Variants in TBC1D10B observed in about 807,000 individuals in gnomAD.
TBC1D10B encodes TBC1 domain family member 10B.
TBC1D10B carries 25 observed loss-of-function variants against 78.4 expected under a neutral mutation model. The ratio of observed to expected loss-of-function variants is 0.32; its 90% CI spans 0.23 to 0.45. TBC1D10B has a LOEUF of 0.45. TBC1D10B is among the 20% of genes least tolerant of loss of function. The probability of loss-of-function intolerance (pLI) is 1.00; values close to 1 mark genes in which losing one functional copy is unlikely to be tolerated. For synonymous variants in TBC1D10B, 517 were observed against 478.0 expected (o/e 1.08, Z -1.06); for missense variants, 996 against 1,104.8 (o/e 0.90, Z 1.40).
Position 30,357,959 on chromosome 16 carries a change from C to G in TBC1D10B, c.2412G>C (p.Gln804His). Residue 804 changes from glutamine to histidine, a missense_variant, in exon 9 of 9, where the codon CAG becomes CAC. This residue lies in a region of TBC1D10B where 285 missense variants were observed against 252.5 expected (regional missense o/e 1.13). Coordinates refer to ENST00000409939, the MANE Select transcript of TBC1D10B (RefSeq NM_015527.4). ...GGDRPSAEAR[Q>H]DAYF The stretch of plus-strand genomic sequence containing the variant: ...AGGGCAGAGGTCAGAAGTAAGCGTC[C>G]TGCCGGGCCTCGGCTGAGGGCCTGT... 1 of 1,551,036 alleles carries G rather than the reference C, an allele frequency of 6.4e-7. No individual in the cohort carries two copies. The highest frequency in any genetic ancestry group is 1.2e-5 in the South Asian group (1 of 84,056).
chr16:30,358,023 C>T lies in TBC1D10B; in HGVS notation c.2348G>A (p.Arg783Gln), dbSNP rs867457674. 1.4e-5 allele frequency: 22 copies of T among 1,551,718 alleles called. No homozygotes were observed. The East Asian group carries it at 2.0e-4, about 14-fold the overall frequency. ...KAQGRKLSLR[R>Q]KADGPPGPHD... ...GGGGCCTGGGGGCCCATCTGCCTTT[C>T]GACGCAGCGAAAGCTTCCGGCCTTG... Residue 783 changes from arginine to glutamine, a missense_variant, in exon 9 of 9, where the codon CGA (arginine) becomes CAA (glutamine). Arg to Gln is a conservative substitution (Grantham distance 43, BLOSUM62 1). This residue lies in a region of TBC1D10B where 285 missense variants were observed against 252.5 expected (regional missense o/e 1.13). Transcript: ENST00000409939.
rs2049566610 is a variant in TBC1D10B at position 30,358,028 on chromosome 16, C to A, written c.2343G>T (p.Leu781=). 1 of 1,551,882 alleles carries A rather than the reference C, an allele frequency of 6.4e-7. No homozygotes were observed. Among genetic ancestry groups the A allele is most frequent in the Non-Finnish European group, 8.7e-7 (1 of 1,147,020 alleles). The change falls in exon 9 of 9, where the codon CTG becomes CTT. Residue 781 remains leucine, a synonymous_variant. Coordinates refer to ENST00000409939, the MANE Select transcript of TBC1D10B (RefSeq NM_015527.4). The part of the protein sequence containing the change: ...EKKAQGRKLS[L]RRKADGPPGP... ...CTGGGGGCCCATCTGCCTTTCGACG[C>A]AGCGAAAGCTTCCGGCCTTGAGCCT...
At position 30,369,289 on chromosome 16, in the gene TBC1D10B, G is replaced by A; in HGVS notation, c.895C>T (p.Leu299=). 6.3e-7 allele frequency: 1 copy of A among 1,588,908 alleles called. No homozygotes were observed. The highest frequency in any genetic ancestry group is 8.6e-7 in the Non-Finnish European group (1 of 1,168,226). Residue 299 remains leucine, a synonymous_variant, in exon 1 of 9, where the codon CTG becomes TTG. Coordinates refer to ENST00000409939, the MANE Select transcript of TBC1D10B (RefSeq NM_015527.4). The surrounding 1 kb of genome is among the most constrained non-coding windows in gnomAD (Gnocchi z 4.3). ...SMGSDSEING[L]ALRKTDKYGF... is the part of the protein sequence containing the mutation. ...TACTTGTCCGTCTTGCGCAGGGCCAGCCCGTTTATCTCTGAATCTGAGCCC... is the reference window on the plus strand; with the variant it reads ...TACTTGTCCGTCTTGCGCAGGGCCAACCCGTTTATCTCTGAATCTGAGCCC...
intron 4 of TBC1D10B, among the ~76,000 whole-genome samples, chr16:30,361,900 G>A (rs1374474849): frequency 1.3e-5 from 2 of 151,608 alleles, no homozygotes; most frequent in African/African-American, 4.9e-5. Context: ...AGGCTGGAGT[G>A]CAGTGGCGCG....
chr16:30,370,134 G>A lies in TBC1D10B; in HGVS notation c.50C>T (p.Ala17Val), dbSNP rs2049676575. 2.5e-6 allele frequency: 3 copies of A among 1,205,332 alleles called. No homozygotes were observed. The highest frequency in any genetic ancestry group is 4.1e-5 in the South Asian group (1 of 24,160). The allele number at this position is 1,205,332 out of a possible 1,614,324, so 74.7% of individuals were successfully genotyped here. Residue 17 changes from alanine (A) to valine (V), a missense_variant, in exon 1 of 9, where the codon GCC becomes GTC. Ala to Val is a moderately conservative substitution (Grantham distance 64, BLOSUM62 0). Around this residue, in one of 5 missense-constraint regions of TBC1D10B, gnomAD observed 448 missense variants for 442.1 expected, o/e 1.01. Transcript: ENST00000409939. ...PLVAPPRRHG[A>V]PAAPSPPPRG... ...GGGCGGCGGCGAGGGGGCCGCGGGGGCGCCATGACGGCGCGGCGGGGCCAC... is the reference window on the plus strand; with the variant it reads ...GGGCGGCGGCGAGGGGGCCGCGGGGACGCCATGACGGCGCGGCGGGGCCAC...
chr16:30,366,570 CATCT>C (rs2049638495), intron 1 of TBC1D10B: 1 of 151,976 alleles, frequency 6.6e-6, no homozygotes, highest in Non-Finnish European at 1.5e-5. Context: ...TAGACGCAAC[CATCT>C]GAGTTTTGTC....
Position 30,369,907 on chromosome 16 carries a change from T to A in TBC1D10B, c.277A>T (p.Thr93Ser), listed in dbSNP as rs765785061. ...AVTGSTVVVLTLEASPEAPKP... is the reference protein window; with the variant it reads ...AVTGSTVVVLSLEASPEAPKP... Reference sequence around the variant, plus strand: ...GGGGCTTCGGGCGAGGCCTCCAGGGTCAGCACCACCACCGTGCTGCCCGTG... The same window carrying A: ...GGGGCTTCGGGCGAGGCCTCCAGGGACAGCACCACCACCGTGCTGCCCGTG... Residue 93 changes from threonine (T) to serine (S), a missense_variant, in exon 1 of 9, where the codon ACC becomes TCC. Transcript: ENST00000409939. This position sits in a 1 kb window ranked among gnomAD's most constrained non-coding sequence, Gnocchi z 4.3. 9.4e-6 allele frequency: 13 copies of A among 1,377,468 alleles called. No individual in the cohort carries two copies. The highest frequency in any genetic ancestry group is 3.4e-5 in the South Asian group (2 of 58,354). The allele number at this position is 1,377,468 out of a possible 1,614,324, so 85.3% of individuals were successfully genotyped here.
In TBC1D10B at chr16:30,358,418, T is replaced by C. The variant is rs1182273296; in HGVS notation, c.1953A>G (p.Pro651=). Residue 651 remains proline, a synonymous_variant, in exon 9 of 9, where the codon CCA becomes CCG. Coordinates refer to ENST00000409939, the MANE Select transcript of TBC1D10B (RefSeq NM_015527.4). ...GGAGGCTGGAGGAGGGGCCCAGGGG[T>C]GGCTGTTGCCGCCGGCGCTCCTCGT... is the stretch of plus-strand genomic sequence containing the variant. ...AIHEERRRQQ[P]PLGPSSSLLS... The C allele has an allele frequency of 6.3e-7, 1 of 1,578,108 alleles. No homozygotes were observed. Among genetic ancestry groups the C allele is most frequent in the South Asian group, 1.2e-5 (1 of 86,522 alleles).
intron 4 of TBC1D10B, among the ~76,000 whole-genome samples, chr16:30,362,948 A>G (rs940571062): frequency 6.6e-6 from 1 of 152,114 alleles, no homozygotes; most frequent in African/African-American, 2.4e-5. Flanking sequence ...GAGGCAGGAG[A>G]ATTGCTTGAA....
In TBC1D10B at chr16:30,358,680, C is replaced by T. The variant is rs2049577086; in HGVS notation, c.1780G>A (p.Asp594Asn). 1.2e-6 allele frequency: 2 copies of T among 1,607,448 alleles called. No individual in the cohort carries two copies. Among genetic ancestry groups the T allele is most frequent in the African/African-American group, 1.3e-5 (1 of 74,804 alleles). The change falls in exon 8 of 9, where the codon GAC becomes AAC. Residue 594 changes from aspartate (D) to asparagine (N), a missense_variant. Physicochemically the swap from Asp to Asn is conservative, Grantham distance 23 (BLOSUM62 1). Transcript: ENST00000409939. The stretch of plus-strand genomic sequence containing the variant: ...AGGCCTACCTCATGCACCAGGAAGT[C>T]TTCCTGCATGCACTGCTGGGGCAGG... ...RNLPQQCMQE[D>N]FLVHEVTNLP...
chr16:30,363,913 C>T (rs2049615614), intron 4 of TBC1D10B, among the ~76,000 whole-genome samples: 1 of 152,054 alleles, frequency 6.6e-6, no homozygotes, highest in African/African-American at 2.4e-5. Context: ...GTCAGGAGTT[C>T]GAGACCAGCC....
intron 4 of TBC1D10B, among the ~76,000 whole-genome samples, chr16:30,363,778 G>A (rs1023369583): frequency 6.6e-6 from 1 of 152,146 alleles, no homozygotes; most frequent in Non-Finnish European, 1.5e-5. Flanking sequence ...CTGGTAGATA[G>A]CAGATGCTCA....
At position 30,357,666 on chromosome 16, in the gene TBC1D10B, T is replaced by C. The variant is rs545771039; in HGVS notation, c.*278A>G. ...CACCCCTGGGATGACAACGGGCCAT[T>C]CAGGACAGCACCTAGGAGGGGACCC... is the stretch of plus-strand genomic sequence containing the variant. On this transcript the variant is annotated 3_prime_UTR_variant, in exon 9 of 9. Transcript: ENST00000409939. The C allele has an allele frequency of 3.1e-5, 17 of 545,234 alleles. No individual in the cohort carries two copies. Among genetic ancestry groups the C allele is most frequent in the Non-Finnish European group, 5.2e-5 (16 of 305,492 alleles). 33.8% of individuals were successfully genotyped at this position (545,234 alleles called of 1,614,324 possible).
rs934936556 is a variant in TBC1D10B at position 30,370,088 on chromosome 16, G to T, written c.96C>A (p.Pro32=). Residue 32 remains proline (P), a synonymous_variant, in exon 1 of 9, where the codon CCC becomes CCA. Coordinates refer to ENST00000409939, the MANE Select transcript of TBC1D10B (RefSeq NM_015527.4). ...GAGGTCCCGGAGCCACCACCACGAC[G>T]GGCCCGGCCCGGGAACCCCGGGGCG... is the stretch of plus-strand genomic sequence containing the variant. ...SPPPRGSRAG[P]VVVVAPGPPV... 1 of 1,225,196 alleles carries T rather than the reference G, an allele frequency of 8.2e-7. No homozygotes were observed. Among genetic ancestry groups the T allele is most frequent in the Non-Finnish European group, 1.0e-6 (1 of 983,828 alleles). 75.9% of individuals were successfully genotyped at this position (1,225,196 alleles called of 1,614,324 possible).
chr16:30,365,119 G>A lies in TBC1D10B; in HGVS notation c.1150C>T (p.Pro384Ser), dbSNP rs752219547. ...GCTGCACGCACCTCAAACTTTCCTG[G>A]GTTCTGCTCCAGAAGTTCCTTGCTA... The part of the protein sequence containing the change: ...SNSKELLEQN[P>S]GKFEELERAP... The change falls in exon 3 of 9, where the codon CCA (proline) becomes TCA (serine). Residue 384 changes from proline (P) to serine (S), a missense_variant. This residue lies in a region of TBC1D10B where 93 missense variants were observed against 152.7 expected (regional missense o/e 0.61). Transcript: ENST00000409939. The surrounding 1 kb of genome is among the most constrained non-coding windows in gnomAD (Gnocchi z 5.0). 2 of 1,613,986 alleles carry A rather than the reference G, an allele frequency of 1.2e-6. No individual in the cohort carries two copies. Among genetic ancestry groups the A allele is most frequent in the East Asian group, 2.2e-5 (1 of 44,882 alleles).
At chr16:30,359,414 A>AG (rs1258160704) in intron 6 of TBC1D10B, 53 bp from the exon 7 acceptor site, 1 of 1,547,050 alleles carries the variant, frequency 6.5e-7, no homozygotes, top group Non-Finnish European at 8.7e-7. Context: ...TGCCCCCATC[A>AG]GGGGAGAACT....
Position 30,358,147 on chromosome 16 carries a change from G to C in TBC1D10B, c.2224C>G (p.Arg742Gly). The C allele has an allele frequency of 6.5e-7, 1 of 1,549,582 alleles. No individual in the cohort carries two copies. ...TCCTGCTTCTGCCGCTCCTTCTCCC[G>C]CTCCTTCTCCTGTTTCTGCCGCTCC... ...EKERQKQEKE[R>G]EKERQKQEKE... Residue 742 changes from arginine (R) to glycine (G), a missense_variant, in exon 9 of 9, where the codon CGG (arginine) becomes GGG (glycine). Around this residue, in one of 5 missense-constraint regions of TBC1D10B, gnomAD observed 285 missense variants for 252.5 expected, o/e 1.13. Transcript: ENST00000409939.
rs1371769223 is a variant in TBC1D10B at position 30,369,048 on chromosome 16, C to T, written c.956+180G>A. 6.6e-6 allele frequency among the ~76,000 whole-genome samples: 1 copy of T among 152,258 alleles called. No individual in the cohort carries two copies. The highest frequency in any genetic ancestry group is 2.4e-5 in the African/African-American group (1 of 41,468). ...GACCCCTGGTCTGAAACTCCACTAA[C>T]ATGCCAATGTCACAGGCACCTCAGG... On this transcript the variant is annotated intron_variant, in intron 1 of 8. Transcript: ENST00000409939. This position sits in a 1 kb window ranked among gnomAD's most constrained non-coding sequence, Gnocchi z 4.3.
rs2049629732 is a variant in TBC1D10B, at chr16:30,365,539, T to C, written c.1012A>G (p.Met338Val). The C allele has an allele frequency of 6.2e-7, 1 of 1,613,988 alleles. No individual in the cohort carries two copies. Among genetic ancestry groups the C allele is most frequent in the Non-Finnish European group, 8.5e-7 (1 of 1,179,876 alleles). Residue 338 changes from methionine to valine, a missense_variant, in exon 2 of 9, where the codon ATG (methionine) becomes GTG (valine). By Grantham distance (21) the Met-to-Val change is conservative. Coordinates refer to ENST00000409939, the MANE Select transcript of TBC1D10B (RefSeq NM_015527.4). The surrounding 1 kb of genome is among the most constrained non-coding windows in gnomAD (Gnocchi z 5.0). ...ARQRELKWLD[M>V]FSNWDKWLSR... ...AGCCACTTATCCCAGTTACTGAACATGTCCAGCCATTTGAGCTCCCGCTGC... is the reference window on the plus strand; with the variant it reads ...AGCCACTTATCCCAGTTACTGAACACGTCCAGCCATTTGAGCTCCCGCTGC...
Sources: gnomAD v4.1 joint callset for allele counts (sites outside exome capture counted in the v4.1 genomes callset) on GRCh38, gnomAD v4.1.1 for gene constraint, gnomAD v4.1.1 regional missense constraint, Gnocchi (gnomAD v3.1) non-coding constraint, MANE v1.5 for transcripts, NCBI Gene and HGNC (gene_info 2026-07-23, HGNC 2026-07-21) for gene names.